ABLIM1: variants seen among roughly 807,000 people sequenced by gnomAD.
The protein encoded by ABLIM1 is actin-binding LIM protein 1.
In ABLIM1, 40 loss-of-function variants were observed where a neutral mutation model predicts 107.0. The observed-to-expected ratio is 0.37, with a 90% CI of 0.29 to 0.49. The LOEUF (loss-of-function observed/expected upper bound fraction) is 0.49, where lower values mean the gene tolerates loss of function less well. Among genes scored for constraint, ABLIM1 ranks in the 20% least tolerant of loss-of-function variants. ABLIM1 has a pLI of 0.97. For missense variants in ABLIM1, 857 were observed against 1,008.5 expected, an observed-to-expected ratio of 0.85 and a Z score of 2.04; for synonymous variants, 357 against 357.3, an observed-to-expected ratio of 1.00 and a Z score of 0.01.
At chr10:114,621,682 G>C (rs1013500669) in intron 1 of ABLIM1, among the ~76,000 whole-genome samples, 2 of 151,982 alleles carry the variant, frequency 1.3e-5, no homozygotes, top group African/African-American at 4.8e-5. Flanking sequence ...CTATCACCTG[G>C]TGTCCCCTCC....
At chr10:114,572,367 T>G (rs2071817839) in intron 3 of ABLIM1, among the ~76,000 whole-genome samples, 1 of 152,262 alleles carries the variant, frequency 6.6e-6, no homozygotes, top group Non-Finnish European at 1.5e-5. Context: ...CTACATTCCC[T>G]TTAAGTTGCC....
chr10:114,573,554 T>A (rs1300816635), intron 3 of ABLIM1, among the ~76,000 whole-genome samples: 1 of 152,222 alleles, frequency 6.6e-6, no homozygotes, highest in African/African-American at 2.4e-5. Flanking sequence ...TAGAGTTTAC[T>A]GGGAACACGG....
At chr10:114,798,943 G>A in the ABLIM1 span, among the ~76,000 whole-genome samples, 32 of 152,018 alleles carry the variant, frequency 2.1e-4, no homozygotes, top group Non-Finnish European at 8.8e-5. Context: ...CTACAGGTGC[G>A]TGCCACCAAG....
intron 3 of ABLIM1, among the ~76,000 whole-genome samples, chr10:114,573,743 G>A (rs1256083310): frequency 6.6e-6 from 1 of 152,112 alleles, no homozygotes; most frequent in Non-Finnish European, 1.5e-5. Context: ...AAAATGACTC[G>A]CATCTAGTTC....
At chr10:114,528,104 G>A (rs1484104340) in intron 6 of ABLIM1, among the ~76,000 whole-genome samples, 1 of 152,128 alleles carries the variant, frequency 6.6e-6, no homozygotes, top group African/African-American at 2.4e-5. Flanking sequence ...CCAAAGTGCT[G>A]GGATTACAGG....
chr10:114,756,703 T>C (rs1266443677), intron 1 of ABLIM1, among the ~76,000 whole-genome samples: 2 of 152,334 alleles, frequency 1.3e-5, no homozygotes, highest in East Asian at 1.9e-4. Flanking sequence ...CCAAGCACCA[T>C]TTCCTGTGCT....
chr10:114,466,641 A>G (rs2065225082), intron 11 of ABLIM1, among the ~76,000 whole-genome samples: 1 of 152,194 alleles, frequency 6.6e-6, no homozygotes, highest in Admixed American at 6.5e-5. Context: ...ACTGTCTACG[A>G]CATTGATCTG....
intron 1 of ABLIM1, among the ~76,000 whole-genome samples, chr10:114,673,042 G>A (rs1262250208): frequency 6.6e-6 from 1 of 152,060 alleles, no homozygotes; most frequent in Non-Finnish European, 1.5e-5. Flanking sequence ...TGGATCACCT[G>A]AGGTCAGGAG....
Position 114,575,408 on chromosome 10 carries a change from T to C in ABLIM1, c.563+8A>G. ...AGGTGTAGGCTTTGGAAAGATAGGCTCACTTACTTGCAGATAGTACAAGCA... is the reference window on the plus strand; with the variant it reads ...AGGTGTAGGCTTTGGAAAGATAGGCCCACTTACTTGCAGATAGTACAAGCA... On this transcript the variant is annotated splice_region_variant and intron_variant, in intron 3 of 22. Coordinates refer to ENST00000533213, the MANE Select transcript of ABLIM1 (RefSeq NM_002313.7). 1 of 1,612,826 alleles carries C rather than the reference T, an allele frequency of 6.2e-7. No individual in the cohort carries two copies. Among genetic ancestry groups the C allele is most frequent in the Non-Finnish European group, 8.5e-7 (1 of 1,179,296 alleles).
At chr10:114,511,971 GCT>G (rs2061936503) in intron 6 of ABLIM1, among the ~76,000 whole-genome samples, 1 of 152,188 alleles carries the variant, frequency 6.6e-6, no homozygotes, top group African/African-American at 2.4e-5. Context: ...GTGGACAGAT[GCT>G]CTCTCAGTGT....
intron 6 of ABLIM1, among the ~76,000 whole-genome samples, chr10:114,527,728 G>T (rs112380065): frequency 1.3e-5 from 2 of 148,874 alleles, no homozygotes; most frequent in Admixed American, 6.8e-5. Flanking sequence ...CGATCATAGC[G>T]CAATCAGCTC....
At chr10:114,483,989 C>G (rs1456001716) in intron 8 of ABLIM1, among the ~76,000 whole-genome samples, 2 of 152,202 alleles carry the variant, frequency 1.3e-5, no homozygotes, top group African/African-American at 4.8e-5. Flanking sequence ...CCTCTCCCTT[C>G]CCCTGCAGGA....
intron 4 of ABLIM1, 128 bp from the exon 5 acceptor site, chr10:114,547,904 G>A (rs958976314): frequency 7.8e-7 from 1 of 1,284,570 alleles, no homozygotes; most frequent in Non-Finnish European, 1.0e-6. Flanking sequence ...ACCATCTCGG[G>A]TCAGTTTCTT....
chr10:114,663,915 G>C (rs2079899694), intron 1 of ABLIM1, among the ~76,000 whole-genome samples: 2 of 152,184 alleles, frequency 1.3e-5, no homozygotes. Context: ...GGCTCTCCCA[G>C]GAGGAAAAAT....
intron 5 of ABLIM1, among the ~76,000 whole-genome samples, chr10:114,546,115 C>T (rs1005008878): frequency 2.0e-5 from 3 of 151,816 alleles, no homozygotes; most frequent in Admixed American, 1.3e-4. Context: ...AGTCAACCTC[C>T]TTGGAGCACA....
At chr10:114,545,602 G>C (rs775604631) in intron 5 of ABLIM1, among the ~76,000 whole-genome samples, 9 of 152,242 alleles carry the variant, frequency 5.9e-5, no homozygotes, top group East Asian at 5.8e-4. Flanking sequence ...ATAAAATATT[G>C]TTAATGTATA....
At chr10:114,731,349 C>G (rs1276603411) in intron 1 of ABLIM1, among the ~76,000 whole-genome samples, 1 of 151,998 alleles carries the variant, frequency 6.6e-6, no homozygotes, top group Non-Finnish European at 1.5e-5. Flanking sequence ...ACCATGTTGC[C>G]CAGGCTAGTC....
chr10:114,772,140 C>A (rs575636408), upstream of ABLIM1, among the ~76,000 whole-genome samples: 1 of 152,000 alleles, frequency 6.6e-6, no homozygotes, highest in African/African-American at 2.4e-5. Context: ...ATGTAATAGG[C>A]AATGAGGAAG....
rs2067061382 is a variant in ABLIM1 at position 114,473,912 on chromosome 10, G to A, written c.1086C>T (p.Ser362=). Reference sequence around the variant, plus strand: ...TATGACCTGGTGAGCCAGGAATACTGGAGCCTGGCCTAGAATAAATACTTT... The same window carrying A: ...TATGACCTGGTGAGCCAGGAATACTAGAGCCTGGCCTAGAATAAATACTTT... ...SSESIYSRPG[S]SIPGSPGHTI... Residue 362 remains serine (S), a synonymous_variant, in exon 9 of 23, where the codon TCC becomes TCT. Transcript: ENST00000533213. The A allele has an allele frequency of 2.5e-6, 4 of 1,613,804 alleles. No homozygotes were observed. The highest frequency in any genetic ancestry group is 3.4e-6 in the Non-Finnish European group (4 of 1,179,764).
Sources: gnomAD v4.1 joint callset for allele counts (sites outside exome capture counted in the v4.1 genomes callset) on GRCh38, gnomAD v4.1.1 for gene constraint, MANE v1.5 for transcripts, NCBI Gene and HGNC (gene_info 2026-07-23, HGNC 2026-07-21) for gene names.